Variants in TRIM66 observed in about 807,000 individuals in gnomAD.
TRIM66 encodes the protein tripartite motif-containing protein 66.
TRIM66 carries 99 observed loss-of-function variants against 148.2 expected under a neutral mutation model. The observed-to-expected ratio is 0.67, with a 90% CI of 0.57 to 0.79. The LOEUF (loss-of-function observed/expected upper bound fraction) is 0.79. Ranked by LOEUF, TRIM66 falls within the 30% of genes least tolerant of loss-of-function variation. TRIM66 has a pLI of 0.00. For synonymous variants in TRIM66, 616 were observed against 635.9 expected (o/e 0.97, Z 0.47); for missense variants, 1,666 against 1,697.9 (o/e 0.98, Z 0.33).
intron 6 of TRIM66, among the ~76,000 whole-genome samples, chr11:8,660,110 C>T (rs2038146095): frequency 6.6e-6 from 1 of 152,148 alleles, no homozygotes; most frequent in Admixed American, 6.5e-5. Context: ...GAACTCCTGA[C>T]CTCAGGATAT....
At chr11:8,653,233 G>A (rs1472618889) in intron 6 of TRIM66, among the ~76,000 whole-genome samples, 1 of 152,220 alleles carries the variant, frequency 6.6e-6, no homozygotes, top group East Asian at 1.9e-4. Context: ...CTCTCCACGA[G>A]CTTCAGGTCA....
Position 8,640,643 on chromosome 11 carries a change from A to C in TRIM66, c.1732T>G (p.Ser578Ala), listed in dbSNP as rs1452661825. 2 of 1,551,228 alleles carry C rather than the reference A, an allele frequency of 1.3e-6. No homozygotes were observed. The highest frequency in any genetic ancestry group is 3.9e-5 in the Admixed American group (2 of 50,954). Residue 578 changes from serine (S) to alanine (A), a missense_variant, in exon 14 of 25, where the codon TCT becomes GCT. Around this residue, in one of 3 missense-constraint regions of TRIM66, gnomAD observed 1,431 missense variants for 1,412.4 expected, o/e 1.01. Transcript: ENST00000646038. ...AHAQPTLQTP[S>A]IQVQFGHHQK... is the part of the protein sequence containing the mutation. ...TGGTGGCCAAACTGGACTTGGATAG[A>C]GGGTGTCTGTAAGGTGGGCTGGGCA... is the stretch of plus-strand genomic sequence containing the variant.
At chr11:8,648,386 A>G (rs1284058853) in intron 9 of TRIM66, 30 bp downstream of exon 9, 2 of 1,549,490 alleles carry the variant, frequency 1.3e-6, no homozygotes, top group Admixed American at 3.9e-5. Flanking sequence ...AGCCCTCCCC[A>G]GCCCATTTCA....
chr11:8,640,892 G>C lies in TRIM66; in HGVS notation c.1483C>G (p.Pro495Ala). 6.4e-7 allele frequency: 1 copy of C among 1,550,556 alleles called. No individual in the cohort carries two copies. Among genetic ancestry groups the C allele is most frequent in the Non-Finnish European group, 8.7e-7 (1 of 1,146,956 alleles). ...SIHPAHSFRQ[P>A]PEMVPQQLGS... The stretch of plus-strand genomic sequence containing the variant: ...AGCTGCTGGGGCACCATCTCAGGGG[G>C]CTGCCTGAAGCTGTGGGCTGGGTGT... Residue 495 changes from proline (P) to alanine (A), a missense_variant, in exon 14 of 25, where the codon CCC becomes GCC. This residue lies in a region of TRIM66 where 1,431 missense variants were observed against 1,412.4 expected (regional missense o/e 1.01). Transcript: ENST00000646038.
intron 7 of TRIM66, among the ~76,000 whole-genome samples, chr11:8,651,510 T>C (rs535118159): frequency 6.6e-6 from 1 of 152,244 alleles, no homozygotes; most frequent in East Asian, 1.9e-4. Context: ...AGAAAAATAA[T>C]TATATAGACA....
In TRIM66 at chr11:8,621,687, C is replaced by T. The variant is rs1433919868; in HGVS notation, c.3213G>A (p.Leu1071=). 6.5e-7 allele frequency: 1 copy of T among 1,549,732 alleles called. No individual in the cohort carries two copies. The highest frequency in any genetic ancestry group is 8.7e-7 in the Non-Finnish European group (1 of 1,146,210). Residue 1071 remains leucine (L), a synonymous_variant, in exon 19 of 25, where the codon CTG becomes CTA. Transcript: ENST00000646038. Reference sequence around the variant, plus strand: ...AGGACTCAGTGCCACACTCGATGATCAGCAGGAAGCTCCCATCCTGATCAT... The same window carrying T: ...AGGACTCAGTGCCACACTCGATGATTAGCAGGAAGCTCCCATCCTGATCAT... The part of the protein sequence containing the change: ...QKNDQDGSFL[L]IIECGTESSS...
In TRIM66 at chr11:8,624,491, C is replaced by G. The variant is rs201982728; in HGVS notation, c.2887G>C (p.Gly963Arg). Residue 963 changes from glycine to arginine, a missense_variant, in exon 17 of 25, where the codon GGT (glycine) becomes CGT (arginine). Around this residue, in one of 3 missense-constraint regions of TRIM66, gnomAD observed 1,431 missense variants for 1,412.4 expected, o/e 1.01. Coordinates refer to ENST00000646038, the MANE Select transcript of TRIM66 (RefSeq NM_001388022.1). ...DLLGQGPIVP[G>R]LDAPKDLAIP... ...GCCAAGTCCTTGGGAGCATCCAGACCGGGGACTATGGGACCTTGTCCCAGT... is the reference window on the plus strand; with the variant it reads ...GCCAAGTCCTTGGGAGCATCCAGACGGGGGACTATGGGACCTTGTCCCAGT... 1.9e-3 allele frequency: 2,992 copies of G among 1,551,278 alleles called. 6 individuals carry two copies. Among genetic ancestry groups the G allele is most frequent in the Non-Finnish European group, 2.3e-3 (2,594 of 1,146,884 alleles).
chr11:8,676,844 G>C (rs535993347), intron 3 of TRIM66, among the ~76,000 whole-genome samples: 1 of 152,136 alleles, frequency 6.6e-6, no homozygotes, highest in Non-Finnish European at 1.5e-5. Flanking sequence ...TGCCTACAGG[G>C]GCTGGGCAAT....
In TRIM66 at chr11:8,613,691, A is replaced by G. The variant is rs540702321; in HGVS notation, c.*4253T>C. On this transcript the variant is annotated 3_prime_UTR_variant, in exon 25 of 25. Transcript: ENST00000646038. ...GCGAGGGAGCAGTCTTGGAGGACAT[A>G]CAACAGGATTCAAGATATAGAGAAT... 2 of 152,390 alleles carry G rather than the reference A, an allele frequency of 1.3e-5. No individual in the cohort carries two copies. Among genetic ancestry groups the G allele is most frequent in the African/African-American group, 4.8e-5 (2 of 41,542 alleles). The allele number at this position is 152,390 out of a possible 1,614,324, so 9.4% of individuals were successfully genotyped here.
At chr11:8,681,864 A>T (rs112038102) in intron 1 of TRIM66, among the ~76,000 whole-genome samples, 101 of 152,254 alleles carry the variant, frequency 6.6e-4, no homozygotes, top group African/African-American at 2.3e-3. Flanking sequence ...TGTGTCCAGG[A>T]AAGGGTCACA....
In TRIM66 at chr11:8,648,082, T is replaced by C. The variant is rs1442819246; in HGVS notation, c.730A>G (p.Arg244Gly). Residue 244 changes from arginine (R) to glycine (G), a missense_variant, in exon 10 of 25, where the codon AGA (arginine) becomes GGA (glycine). Arg to Gly is a moderately radical substitution (Grantham distance 125). This residue lies in a region of TRIM66 where 1,431 missense variants were observed against 1,412.4 expected (regional missense o/e 1.01). Transcript: ENST00000646038. ...LVVEHKEHRC[R>G]HVEEVLQNQR... ...TTTTGCAAAACTTCTTCAACATGTC[T>C]GCACCTAGGGGATGAGGCAGAGAAA... 6.4e-7 allele frequency: 1 copy of C among 1,551,440 alleles called. No individual in the cohort carries two copies. The highest frequency in any genetic ancestry group is 1.4e-5 in the African/African-American group (1 of 73,048).
chr11:8,683,065 G>T (rs1186847794), upstream of TRIM66: 3 of 985,306 alleles, frequency 3.0e-6, no homozygotes, highest in African/African-American at 4.8e-5. Context: ...GCCCTGAGCG[G>T]ATCGGTACCC....
intron 18 of TRIM66, 82 bp downstream of exon 18, chr11:8,622,734 C>A: frequency 3.9e-6 from 5 of 1,297,774 alleles, no homozygotes; most frequent in Non-Finnish European, 5.4e-6. Context: ...GTAGTTAATT[C>A]ATCAAGGATG....
rs1016982502 is a variant in TRIM66, at chr11:8,649,817, C to G, written c.515G>C (p.Ser172Thr). The G allele has an allele frequency of 1.3e-6, 2 of 1,551,710 alleles. No homozygotes were observed. The highest frequency in any genetic ancestry group is 3.9e-5 in the Admixed American group (2 of 51,002). ...GTGTCGGTGTTCCTCTGTGCAAGAG[C>G]TGCACAGCCAGCGATTGCAGTAGGT... Reference protein sequence around the residue: ...LCTYCNRWLCSSCTEEHRHSP... With the variant: ...LCTYCNRWLCTSCTEEHRHSP... Residue 172 changes from serine (S) to threonine (T), a missense_variant, in exon 8 of 25, where the codon AGC becomes ACC. By Grantham distance (58) the Ser-to-Thr change is moderately conservative. Transcript: ENST00000646038.
chr11:8,622,302 T>C (rs540249215), intron 18 of TRIM66, among the ~76,000 whole-genome samples: 4 of 140,510 alleles, frequency 2.8e-5, no homozygotes, highest in African/African-American at 1.1e-4. Flanking sequence ...TATATATATA[T>C]GTGTGTGTGT....
rs2141888047 is a variant in TRIM66, at chr11:8,624,999, G to A, written c.2540C>T (p.Thr847Ile). 6.4e-7 allele frequency: 1 copy of A among 1,551,776 alleles called. No homozygotes were observed. Among genetic ancestry groups the A allele is most frequent in the African/African-American group, 1.4e-5 (1 of 73,194 alleles). Residue 847 changes from threonine (T) to isoleucine (I), a missense_variant, in exon 16 of 25, where the codon ACT becomes ATT. By Grantham distance (89) the Thr-to-Ile change is moderately conservative. Transcript: ENST00000646038. ...MPSLTTSHLQTVPSLVHSTFQ... is the reference protein window; with the variant it reads ...MPSLTTSHLQIVPSLVHSTFQ... Reference sequence around the variant, plus strand: ...TGTGCTATGCACAAGGCTGGGCACAGTCTGTAGGTGACTGGTTGTCAGGCT... The same window carrying A: ...TGTGCTATGCACAAGGCTGGGCACAATCTGTAGGTGACTGGTTGTCAGGCT...
intron 6 of TRIM66, among the ~76,000 whole-genome samples, chr11:8,661,141 A>G (rs1051692299): frequency 7.9e-5 from 12 of 152,292 alleles, no homozygotes; most frequent in African/African-American, 2.9e-4. Context: ...GAAAAATATC[A>G]CTGTAGGAAA....
intron 20 of TRIM66, 100 bp downstream of exon 20, chr11:8,620,932 G>A: frequency 6.9e-7 from 1 of 1,442,060 alleles, no homozygotes; most frequent in Non-Finnish European, 9.2e-7. Flanking sequence ...GAAGAGGGGA[G>A]TAAGCCCATC....
At chr11:8,657,686 C>A (rs2037949414) in intron 6 of TRIM66, among the ~76,000 whole-genome samples, 1 of 152,148 alleles carries the variant, frequency 6.6e-6, no homozygotes, top group Non-Finnish European at 1.5e-5. Flanking sequence ...CACCCCCGGG[C>A]AGCCCCAGTC....
Sources: gnomAD v4.1 joint callset for allele counts (sites outside exome capture counted in the v4.1 genomes callset) on GRCh38, gnomAD v4.1.1 for gene constraint, gnomAD v4.1.1 regional missense constraint, MANE v1.5 for transcripts, NCBI Gene and HGNC (gene_info 2026-07-23, HGNC 2026-07-21) for gene names.